FBXL7: variants seen among roughly 807,000 people sequenced by gnomAD.
FBXL7 encodes the protein F-box/LRR-repeat protein 7.
A neutral mutation model predicts 38.3 loss-of-function variants in FBXL7; 12 were observed. The observed-to-expected ratio is 0.31, with a 90% CI of 0.20 to 0.51. FBXL7 has a LOEUF of 0.51. FBXL7 is among the 20% of genes least tolerant of loss of function. The pLI, the probability that FBXL7 is intolerant of heterozygous loss-of-function variation, is 0.98. For missense variants in FBXL7, 567 were observed against 676.4 expected (o/e 0.84, Z 1.79); for synonymous variants, 297 against 300.9 (o/e 0.99, Z 0.13).
intron 2 of FBXL7, among the ~76,000 whole-genome samples, chr5:15,618,217 G>A (rs986277303): frequency 3.1e-4 from 47 of 152,194 alleles, no homozygotes; most frequent in African/African-American, 9.9e-4. Context: ...AGAATCAGGC[G>A]AGAAAAATAG....
rs1417650095 is a variant in FBXL7 at position 15,928,107 on chromosome 5, C to T, written c.345C>T (p.Asp115=). The change falls in exon 3 of 4, where the codon GAC becomes GAT. Residue 115 remains aspartate, a synonymous_variant. Coordinates refer to ENST00000504595, the MANE Select transcript of FBXL7 (RefSeq NM_012304.5). The surrounding 1 kb of genome is among the most constrained non-coding windows in gnomAD (Gnocchi z 4.0). The part of the protein sequence containing the change: ...SRPQKEQASI[D]RLPDHSMVQI... ...CCCAGAAGGAGCAGGCCAGCATAGA[C>T]CGGCTCCCGGACCACTCCATGGTGC... The T allele has an allele frequency of 1.2e-6, 2 of 1,611,890 alleles. No homozygotes were observed. Among genetic ancestry groups the T allele is most frequent in the Admixed American group, 3.3e-5 (2 of 59,814 alleles).
chr5:15,714,844 G>C (rs1743989696), intron 2 of FBXL7, among the ~76,000 whole-genome samples: 1 of 95,430 alleles, frequency 1.0e-5, no homozygotes, highest in Non-Finnish European at 2.0e-5. Context: ...GCGAGAGTCC[G>C]TCTCAAAAAA....
chr5:15,729,854 A>G (rs1210180607), intron 2 of FBXL7, among the ~76,000 whole-genome samples: 1 of 152,174 alleles, frequency 6.6e-6, no homozygotes, highest in African/African-American at 2.4e-5. Context: ...TGTTATCCCC[A>G]TTTTACAAAT....
chr5:15,741,516 C>G (rs976432863), intron 2 of FBXL7, among the ~76,000 whole-genome samples: 2 of 152,142 alleles, frequency 1.3e-5, no homozygotes, highest in African/African-American at 2.4e-5. Flanking sequence ...TTGACCTTCT[C>G]TACATCTTAT....
intron 1 of FBXL7, among the ~76,000 whole-genome samples, chr5:15,556,010 TATCTATC>T (rs151334893): frequency 2.0e-5 from 2 of 99,586 alleles, no homozygotes; most frequent in Admixed American, 8.8e-5. Flanking sequence ...TCTATCTATC[TATCTATC>T]ATCTATCAGT....
At chr5:15,687,908 G>A (rs948816488) in intron 2 of FBXL7, among the ~76,000 whole-genome samples, 11 of 152,132 alleles carry the variant, frequency 7.2e-5, no homozygotes, top group African/African-American at 2.2e-4. Flanking sequence ...GGAGCTTTTC[G>A]AGGAACTGTT....
At chr5:15,798,208 A>G (rs958771562) in intron 2 of FBXL7, among the ~76,000 whole-genome samples, 6 of 152,202 alleles carry the variant, frequency 3.9e-5, no homozygotes, top group African/African-American at 1.4e-4. Flanking sequence ...AAGACTGATC[A>G]GCAAACATAT....
At chr5:15,751,169 C>T (rs951595666) in intron 2 of FBXL7, among the ~76,000 whole-genome samples, 3 of 152,126 alleles carry the variant, frequency 2.0e-5, no homozygotes, top group African/African-American at 7.2e-5. Context: ...AGCTAGACTT[C>T]TGTATAATTG....
intron 2 of FBXL7, among the ~76,000 whole-genome samples, chr5:15,664,061 AT>A (rs1476287031): frequency 2.6e-5 from 4 of 151,526 alleles, no homozygotes; most frequent in African/African-American, 9.7e-5. Flanking sequence ...CCTTTGGATT[AT>A]TTTGCTGTTG....
chr5:15,714,747 G>A (rs1252810591), intron 2 of FBXL7, among the ~76,000 whole-genome samples: 1 of 151,574 alleles, frequency 6.6e-6, no homozygotes, highest in Non-Finnish European at 1.5e-5. Flanking sequence ...TACTCGGGAG[G>A]CTGAGGCAGG....
At chr5:15,503,761 C>T (rs1008928922) in intron 1 of FBXL7, among the ~76,000 whole-genome samples, 9 of 151,990 alleles carry the variant, frequency 5.9e-5, no homozygotes, top group South Asian at 2.1e-4. Context: ...ATAGATAGCT[C>T]GACTATAAAA....
intron 2 of FBXL7, among the ~76,000 whole-genome samples, chr5:15,754,208 G>A (rs970675114): frequency 6.6e-6 from 1 of 152,180 alleles, no homozygotes; most frequent in Non-Finnish European, 1.5e-5. Flanking sequence ...TATTAACATT[G>A]GGTGACTTTT....
At chr5:15,563,524 A>G (rs975166725) in intron 1 of FBXL7, among the ~76,000 whole-genome samples, 2 of 152,064 alleles carry the variant, frequency 1.3e-5, no homozygotes, top group African/African-American at 4.8e-5. Flanking sequence ...CTAGCTGTTT[A>G]TTGCAAGTAT....
chr5:15,541,371 CATAT>C (rs574964691), intron 1 of FBXL7, among the ~76,000 whole-genome samples: 3 of 140,102 alleles, frequency 2.1e-5, no homozygotes, highest in Non-Finnish European at 3.1e-5. Context: ...TATATATACA[CATAT>C]ATATATACAC....
chr5:15,805,997 C>T (rs1275052297), intron 2 of FBXL7, among the ~76,000 whole-genome samples: 2 of 152,098 alleles, frequency 1.3e-5, no homozygotes, highest in African/African-American at 2.4e-5. Context: ...AAATTTTAAC[C>T]TACTTAAAAA....
intron 2 of FBXL7, among the ~76,000 whole-genome samples, chr5:15,747,848 G>A (rs544107286): frequency 3.3e-5 from 5 of 152,134 alleles, no homozygotes; most frequent in Non-Finnish European, 7.4e-5. Context: ...CTCCACCTCT[G>A]TTCCCCACCT....
intron 2 of FBXL7, among the ~76,000 whole-genome samples, chr5:15,892,311 A>C (rs73752361): frequency 6.6e-6 from 1 of 152,234 alleles, no homozygotes. Flanking sequence ...CGGTAGGGGC[A>C]GATGATGTGG....
chr5:15,868,024 A>G (rs560916699), intron 2 of FBXL7, among the ~76,000 whole-genome samples: 5 of 151,858 alleles, frequency 3.3e-5, no homozygotes, highest in Admixed American at 1.3e-4. Context: ...GAATCACTTG[A>G]ACCCGGGAGG....
chr5:15,626,543 CCTGTGTGT>C (rs941969216), intron 2 of FBXL7, among the ~76,000 whole-genome samples: 1 of 103,582 alleles, frequency 9.7e-6, no homozygotes, highest in African/African-American at 3.4e-5. Context: ...AAATTCGTTT[CCTGTGTGT>C]GTGTGTGTGT....
Sources: gnomAD v4.1 joint callset for allele counts (sites outside exome capture counted in the v4.1 genomes callset) on GRCh38, gnomAD v4.1.1 for gene constraint, Gnocchi (gnomAD v3.1) non-coding constraint, MANE v1.5 for transcripts, NCBI Gene and HGNC (gene_info 2026-07-23, HGNC 2026-07-21) for gene names.